Variants in ATP1B1 observed in about 807,000 individuals in gnomAD.
ATP1B1 encodes sodium/potassium-transporting ATPase subunit beta-1.
A neutral mutation model predicts 39.6 loss-of-function variants in ATP1B1; 3 were observed. That is an observed-to-expected ratio of 0.08 (90% CI 0.03 to 0.20). The LOEUF is 0.20. Ranked by LOEUF, ATP1B1 falls within the 10% of genes least tolerant of loss-of-function variation. ATP1B1 has a pLI of 1.00. For synonymous variants in ATP1B1, 139 were observed against 135.0 expected (o/e 1.03, Z -0.20); for missense variants, 216 against 371.1 (o/e 0.58, Z 3.43).
At position 169,131,004 on chromosome 1, in the gene ATP1B1, A is replaced by G. The variant is rs1658208102; in HGVS notation, c.649-288A>G. Among the ~76,000 whole-genome samples, 2 of 152,140 alleles carry G rather than the reference A, an allele frequency of 1.3e-5. No individual in the cohort carries two copies. Among genetic ancestry groups the G allele is most frequent in the Admixed American group, 1.3e-4 (2 of 15,266 alleles). ...TGGAGATAATATCACTAGACAGATT[A>G]TTTACTGGGCCAACAGCAAGGTGTT... On this transcript the variant is annotated intron_variant, in intron 5 of 5. Coordinates refer to ENST00000367815, the MANE Select transcript of ATP1B1 (RefSeq NM_001677.4). This position sits in a 1 kb window ranked among gnomAD's most constrained non-coding sequence, Gnocchi z 4.4.
Position 169,131,778 on chromosome 1 carries a change from T to C in ATP1B1, c.*223T>C. 3.3e-6 allele frequency: 2 copies of C among 604,426 alleles called. No homozygotes were observed. The highest frequency in any genetic ancestry group is 3.2e-5 in the East Asian group (1 of 31,606). 37.4% of individuals were successfully genotyped at this position (604,426 alleles called of 1,614,324 possible). A position where few individuals can be genotyped will look rare whatever the true frequency, so the allele number is the denominator to read the frequency against. ...GTAAATGACAAAAGAAAAAGAAAAA[T>C]TGAGCCTTGGGACGTGCCCATTTTT... is the stretch of plus-strand genomic sequence containing the variant. On this transcript the variant is annotated 3_prime_UTR_variant, in exon 6 of 6. Coordinates refer to ENST00000367815, the MANE Select transcript of ATP1B1 (RefSeq NM_001677.4). This position sits in a 1 kb window ranked among gnomAD's most constrained non-coding sequence, Gnocchi z 4.4.
At position 169,111,539 on chromosome 1, in the gene ATP1B1, C is replaced by T. The variant is rs749645668; in HGVS notation, c.226+41C>T. The T allele has an allele frequency of 1.2e-5, 19 of 1,591,472 alleles. No homozygotes were observed. In the Admixed American group the frequency reaches 2.4e-4, roughly 20 times the overall value. On this transcript the variant is annotated intron_variant, in intron 2 of 5. Transcript: ENST00000367815. The stretch of plus-strand genomic sequence containing the variant: ...ATAGCTTCATTTCCTTCAGAGATAG[C>T]ATGGGTGTCACTTTTTCTATTGAGA...
Position 169,127,282 on chromosome 1 carries a change from G to A in ATP1B1, c.441G>A (p.Lys147=). 6.2e-7 allele frequency: 1 copy of A among 1,608,114 alleles called. No homozygotes were observed. The highest frequency in any genetic ancestry group is 8.5e-7 in the Non-Finnish European group (1 of 1,177,914). Residue 147 remains lysine (K), a synonymous_variant, in exon 4 of 6, where the codon AAG becomes AAA. Coordinates refer to ENST00000367815, the MANE Select transcript of ATP1B1 (RefSeq NM_001677.4). ...TTAATCATGAACGAGGAGAGCGAAA[G>A]GTCTGCAGATTCAAGCTTGAATGGC... ...GDFNHERGER[K]VCRFKLEWLG...
intron 2 of ATP1B1, 139 bp downstream of exon 2, chr1:169,111,637 T>C (rs1200566853): frequency 1.1e-5 from 14 of 1,253,082 alleles, no homozygotes; most frequent in Non-Finnish European, 1.5e-5. Context: ...GAAACTTCTC[T>C]CGGCTGCAGC....
chr1:169,110,831 A>C, intron 1 of ATP1B1: 2 of 486,884 alleles, frequency 4.1e-6, no homozygotes, highest in Non-Finnish European at 6.5e-6. Flanking sequence ...GGAGGATATC[A>C]TCACTGGGTT....
At chr1:169,118,587 A>G (rs1428950024) in intron 2 of ATP1B1, among the ~76,000 whole-genome samples, 1 of 152,176 alleles carries the variant, frequency 6.6e-6, no homozygotes, top group African/African-American at 2.4e-5. Context: ...CAAAATCCAG[A>G]AATATCTTAG....
intron 2 of ATP1B1, among the ~76,000 whole-genome samples, chr1:169,111,855 C>T (rs1657737340): frequency 1.3e-5 from 2 of 152,140 alleles, no homozygotes; most frequent in African/African-American, 4.8e-5. Flanking sequence ...CCTTTCCAGA[C>T]CTTTTCAACT....
At chr1:169,116,192 C>T (rs758967552) in intron 2 of ATP1B1, among the ~76,000 whole-genome samples, 6 of 152,256 alleles carry the variant, frequency 3.9e-5, no homozygotes, top group Non-Finnish European at 8.8e-5. Context: ...ATGGAAAAGT[C>T]TCTTCTTCAC....
At chr1:169,125,894 G>A (rs768344240) in intron 3 of ATP1B1, among the ~76,000 whole-genome samples, 4 of 152,182 alleles carry the variant, frequency 2.6e-5, no homozygotes, top group Non-Finnish European at 5.9e-5. Context: ...AGGATCACTT[G>A]AGCCTGGGAG....
intron 2 of ATP1B1, among the ~76,000 whole-genome samples, chr1:169,115,375 GTCT>G (rs1318784247): frequency 4.1e-5 from 6 of 147,710 alleles, no homozygotes; most frequent in Non-Finnish European, 7.5e-5. Flanking sequence ...TCAAGAGGGA[GTCT>G]TCTTCTGTCG....
chr1:169,128,384 A>G (rs1658132255), intron 4 of ATP1B1, among the ~76,000 whole-genome samples: 1 of 152,196 alleles, frequency 6.6e-6, no homozygotes, highest in South Asian at 2.1e-4. Context: ...TTACCCATGA[A>G]TAATATTTTC....
intron 2 of ATP1B1, among the ~76,000 whole-genome samples, chr1:169,124,573 C>A (rs1658050199): frequency 6.6e-6 from 1 of 152,194 alleles, no homozygotes; most frequent in African/African-American, 2.4e-5. Context: ...CTGGTTCTAC[C>A]ACTTTCTGTG....
chr1:169,130,122 G>A (rs1255008878), intron 5 of ATP1B1, 32 bp downstream of exon 5: 2 of 1,585,940 alleles, frequency 1.3e-6, no homozygotes, highest in South Asian at 2.2e-5. Flanking sequence ...CTGGGGTGGT[G>A]GAAGGGTAGG....
In ATP1B1 at chr1:169,127,178, T is replaced by A. The variant is rs141321226; in HGVS notation, c.383-46T>A. On this transcript the variant is annotated intron_variant, in intron 3 of 5. Transcript: ENST00000367815. ...GACAGTTTCTTTTTCTTAGAACTGC[T>A]AAGGGAATTGCTGGTACAATATAAA... 26 of 1,528,906 alleles carry A rather than the reference T, an allele frequency of 1.7e-5. No individual in the cohort carries two copies. In the African/African-American group the frequency reaches 3.1e-4, roughly 18 times the overall value. 94.7% of individuals were successfully genotyped at this position (1,528,906 alleles called of 1,614,324 possible). A position where few individuals can be genotyped will look rare whatever the true frequency, so the allele number is the denominator to read the frequency against.
At chr1:169,129,410 C>T (rs981569914) in intron 4 of ATP1B1, among the ~76,000 whole-genome samples, 1 of 152,152 alleles carries the variant, frequency 6.6e-6, no homozygotes, top group African/African-American at 2.4e-5. Context: ...AGTGGATTCA[C>T]CCCTTCAAGA....
chr1:169,112,834 T>C (rs149840539), intron 2 of ATP1B1, among the ~76,000 whole-genome samples: 1 of 152,310 alleles, frequency 6.6e-6, no homozygotes, highest in East Asian at 1.9e-4. Flanking sequence ...GCAACTGTTT[T>C]CCACAAGAGG....
rs34447553 is a variant in ATP1B1, at chr1:169,132,019, A to ATTTTTTT, written c.*480_*486dup. 349 of 190,904 alleles carry ATTTTTTT rather than the reference A, an allele frequency of 1.8e-3. 4 individuals carry two copies. The highest frequency in any genetic ancestry group is 3.5e-3 in the South Asian group (66 of 19,128). 11.8% of individuals were successfully genotyped at this position (190,904 alleles called of 1,614,324 possible). A position where few individuals can be genotyped will look rare whatever the true frequency, so the allele number is the denominator to read the frequency against. On this transcript the variant is annotated 3_prime_UTR_variant, in exon 6 of 6. Coordinates refer to ENST00000367815, the MANE Select transcript of ATP1B1 (RefSeq NM_001677.4). ...CAACGGGAATAAAACTGGCATGGTA[A>ATTTTTTT]TTTTTTTTTTTTTTTTTTTTTTGTT... is the stretch of plus-strand genomic sequence containing the variant.
In ATP1B1 at chr1:169,128,926, C is replaced by T. The variant is rs531115048; in HGVS notation, c.568-1084C>T. On this transcript the variant is annotated intron_variant, in intron 4 of 5. Transcript: ENST00000367815. ...TTGGTCTCTACTTGGTTATCCATTG[C>T]CACTGCCTAATTCATCACCTCCACC... is the stretch of plus-strand genomic sequence containing the variant. Among the ~76,000 whole-genome samples the T allele has an allele frequency of 6.6e-5, 10 of 152,202 alleles. No homozygotes were observed. The East Asian group carries it at 1.4e-3, about 21-fold the overall frequency.
Position 169,131,453 on chromosome 1 carries a change from T to A in ATP1B1, c.810T>A (p.Thr270=), listed in dbSNP as rs1658217718. 1 of 1,614,056 alleles carries A rather than the reference T, an allele frequency of 6.2e-7. No individual in the cohort carries two copies. Among genetic ancestry groups the A allele is most frequent in the Non-Finnish European group, 8.5e-7 (1 of 1,180,036 alleles). The change falls in exon 6 of 6, where the codon ACT becomes ACA. Residue 270 remains threonine (T), a synonymous_variant. Coordinates refer to ENST00000367815, the MANE Select transcript of ATP1B1 (RefSeq NM_001677.4). The surrounding 1 kb of genome is among the most constrained non-coding windows in gnomAD (Gnocchi z 4.4). ...AGTTCACCAATCTTACCATGGACAC[T>A]GAAATTCGCATAGAGTGTAAGGCGT... The part of the protein sequence containing the change: ...AVQFTNLTMD[T]EIRIECKAYG...
Sources: allele counts gnomAD v4.1 joint callset (sites outside exome capture counted in the v4.1 genomes callset), GRCh38; gene constraint gnomAD v4.1.1; non-coding constraint Gnocchi (gnomAD v3.1); transcripts MANE v1.5; gene names NCBI Gene and HGNC (gene_info 2026-07-23, HGNC 2026-07-21).